DIP2A: variants seen among roughly 807,000 people sequenced by gnomAD.
The protein encoded by DIP2A is DIP2 acetate--CoA ligase A, also known as disco-interacting protein 2 homolog A.
Under a neutral mutation model 177.4 loss-of-function variants are expected in DIP2A, and 85 were observed. The observed-to-expected ratio is 0.48, with a 90% CI of 0.40 to 0.57. The LOEUF is 0.57. Among genes scored for constraint, DIP2A ranks in the 20% least tolerant of loss-of-function variants. The probability of loss-of-function intolerance (pLI) is 0.00; values close to 1 mark genes in which losing one functional copy is unlikely to be tolerated. For synonymous variants in DIP2A, 886 were observed against 881.8 expected (o/e 1.00, Z -0.08); for missense variants, 1,791 against 2,100.2 (o/e 0.85, Z 2.88).
Position 46,550,651 on chromosome 21 carries a change from C to T in DIP2A, c.2746C>T (p.Arg916Cys), listed in dbSNP as rs368888478. 76 of 1,613,862 alleles carry T rather than the reference C, an allele frequency of 4.7e-5. No homozygotes were observed. The highest frequency in any genetic ancestry group is 1.6e-4 in the Middle Eastern group (1 of 6,084). The change falls in exon 23 of 38, where the codon CGC becomes TGC. Residue 916 changes from arginine to cysteine, a missense_variant. Arg to Cys is a radical substitution (Grantham distance 180). Coordinates refer to ENST00000417564, the MANE Select transcript of DIP2A (RefSeq NM_015151.4). ...GGIHISETKQRFLEGTLHPCN... is the reference protein window; with the variant it reads ...GGIHISETKQCFLEGTLHPCN... ...GATTCACATTTCTGAAACCAAACAGCGCTTTCTGGAAGGGACGCTGCACCC... is the reference window on the plus strand; with the variant it reads ...GATTCACATTTCTGAAACCAAACAGTGCTTTCTGGAAGGGACGCTGCACCC...
chr21:46,466,836 G>C (rs1456692815), intron 1 of DIP2A, among the ~76,000 whole-genome samples: 1 of 152,148 alleles, frequency 6.6e-6, no homozygotes, highest in African/African-American at 2.4e-5. Flanking sequence ...GGATACAGGA[G>C]CAGGTATGAG....
rs1601587215 is a variant in DIP2A at position 46,509,500 on chromosome 21, T to C, written c.904+124T>C. On this transcript the variant is annotated intron_variant, in intron 7 of 37. Transcript: ENST00000417564. ...ATATATATTCTGTTTCCAGACTCAG[T>C]GGTCACTGGGTGTAATGGTGAATTT... 3.3e-6 allele frequency: 4 copies of C among 1,221,434 alleles called. No homozygotes were observed. In the East Asian group the frequency reaches 1.1e-4, roughly 35 times the overall value. 75.7% of individuals were successfully genotyped at this position (1,221,434 alleles called of 1,614,324 possible). A position where few individuals can be genotyped will look rare whatever the true frequency, so the allele number is the denominator to read the frequency against.
At position 46,563,942 on chromosome 21, in the gene DIP2A, G is replaced by A. The variant is rs2060754003; in HGVS notation, c.4164+10G>A. 6.2e-7 allele frequency: 1 copy of A among 1,611,628 alleles called. No individual in the cohort carries two copies. The highest frequency in any genetic ancestry group is 8.5e-7 in the Non-Finnish European group (1 of 1,179,402). ...CTCACACCTGGGAGAGGTGAGCAGG[G>A]GCCCATGGGAGGGGCTTGAGCTCTC... On this transcript the variant is annotated intron_variant, in intron 35 of 37. Coordinates refer to ENST00000417564, the MANE Select transcript of DIP2A (RefSeq NM_015151.4). This position sits in a 1 kb window ranked among gnomAD's most constrained non-coding sequence, Gnocchi z 4.3.
At chr21:46,494,120 C>T (rs2057173706) in intron 3 of DIP2A, among the ~76,000 whole-genome samples, 1 of 152,190 alleles carries the variant, frequency 6.6e-6, no homozygotes, top group Non-Finnish European at 1.5e-5. Context: ...ATAAATACTT[C>T]CTTAATAGCA....
chr21:46,484,284 T>C (rs1243203958), intron 1 of DIP2A, among the ~76,000 whole-genome samples: 1 of 152,238 alleles, frequency 6.6e-6, no homozygotes, highest in Non-Finnish European at 1.5e-5. Flanking sequence ...AAGTGTTATT[T>C]ACACACAGTA....
chr21:46,479,548 T>C (rs1383708533), intron 1 of DIP2A, among the ~76,000 whole-genome samples: 1 of 152,176 alleles, frequency 6.6e-6, no homozygotes, highest in Non-Finnish European at 1.5e-5. Context: ...TATTTTTTTT[T>C]AAGGTCTCAT....
intron 5 of DIP2A, among the ~76,000 whole-genome samples, chr21:46,500,689 A>C (rs933466874): frequency 6.6e-6 from 1 of 152,282 alleles, no homozygotes; most frequent in African/African-American, 2.4e-5. Context: ...CTTATTCAGC[A>C]TGAAAAATTA....
At chr21:46,543,415 G>A (rs1451274130) in intron 18 of DIP2A, among the ~76,000 whole-genome samples, 3 of 152,000 alleles carry the variant, frequency 2.0e-5, no homozygotes, top group Non-Finnish European at 2.9e-5. Flanking sequence ...TCCCGTAGGC[G>A]TGCACGCAGC....
intron 1 of DIP2A, chr21:46,469,328 T>C (rs2055148681): frequency 6.6e-6 from 1 of 152,250 alleles, no homozygotes; most frequent in South Asian, 2.1e-4. Flanking sequence ...TACAGCAGTT[T>C]TTCTAATTCA....
Position 46,550,414 on chromosome 21 carries a change from A to T in DIP2A, c.2638-129A>T, listed in dbSNP as rs1601807456. Reference sequence around the variant, plus strand: ...TTCATCTTGTTTCCTCATTTAACAAAGTGTCCAGAGGGCATTCCATTTCCT... The same window carrying T: ...TTCATCTTGTTTCCTCATTTAACAATGTGTCCAGAGGGCATTCCATTTCCT... On this transcript the variant is annotated intron_variant, in intron 22 of 37. Transcript: ENST00000417564. 8 of 825,368 alleles carry T rather than the reference A, an allele frequency of 9.7e-6. No individual in the cohort carries two copies. In the East Asian group the frequency reaches 2.1e-4, roughly 22 times the overall value. The allele number at this position is 825,368 out of a possible 1,614,324, so 51.1% of individuals were successfully genotyped here.
chr21:46,506,743 T>C (rs200087007), intron 6 of DIP2A, among the ~76,000 whole-genome samples: 1 of 84,206 alleles, frequency 1.2e-5, no homozygotes, highest in Non-Finnish European at 2.9e-5. Flanking sequence ...TTTCTTTCTT[T>C]CTTTCTTTCT....
intron 10 of DIP2A, among the ~76,000 whole-genome samples, chr21:46,532,816 A>G (rs2059408863): frequency 6.6e-6 from 1 of 152,198 alleles, no homozygotes; most frequent in African/African-American, 2.4e-5. Flanking sequence ...TATAACTATC[A>G]ATAATATGAT....
chr21:46,505,583 T>C (rs962876746), intron 6 of DIP2A, among the ~76,000 whole-genome samples: 1 of 152,188 alleles, frequency 6.6e-6, no homozygotes, highest in Non-Finnish European at 1.5e-5. Flanking sequence ...CACTCCAGCC[T>C]GGGCGATAGA....
rs1395053382 is a variant in DIP2A, at chr21:46,569,412, T to C, written c.*1790T>C. 2.0e-5 allele frequency: 3 copies of C among 152,112 alleles called. No homozygotes were observed. The highest frequency in any genetic ancestry group is 2.9e-5 in the Non-Finnish European group (2 of 68,020). The allele number at this position is 152,112 out of a possible 1,614,324, so 9.4% of individuals were successfully genotyped here. A position where few individuals can be genotyped will look rare whatever the true frequency, so the allele number is the denominator to read the frequency against. Reference sequence around the variant, plus strand: ...GTATGTACAGAATCTATGTAACTTATTGTTGACATACAGAGGTTTGGGAAG... The same window carrying C: ...GTATGTACAGAATCTATGTAACTTACTGTTGACATACAGAGGTTTGGGAAG... On this transcript the variant is annotated 3_prime_UTR_variant, in exon 38 of 38. Transcript: ENST00000417564.
chr21:46,464,844 T>TTTTTTTTTTTTTTA (rs58546395), intron 1 of DIP2A, among the ~76,000 whole-genome samples: 10 of 111,228 alleles, frequency 9.0e-5, no homozygotes, highest in Non-Finnish European at 1.4e-4. Context: ...TTTTTTTTTT[T>TTTTTTTTTTTTTTA]CAAGAAAACA....
At chr21:46,547,959 T>C (rs927468049) in intron 21 of DIP2A, among the ~76,000 whole-genome samples, 7 of 152,150 alleles carry the variant, frequency 4.6e-5, no homozygotes, top group Non-Finnish European at 2.9e-5. Flanking sequence ...TGTCAGCCAA[T>C]GTGCCTGGCC....
intron 13 of DIP2A, among the ~76,000 whole-genome samples, chr21:46,536,797 G>A (rs543151864): frequency 1.5e-4 from 23 of 151,972 alleles, no homozygotes; most frequent in Non-Finnish European, 2.1e-4. Flanking sequence ...CCAGCTACTC[G>A]GGAGGCTCAG....
chr21:46,550,166 G>A lies in DIP2A; in HGVS notation c.2637+281G>A. 2 of 848,896 alleles carry A rather than the reference G, an allele frequency of 2.4e-6. 1 individual carries two copies. Among genetic ancestry groups the A allele is most frequent in the South Asian group, 4.3e-5 (2 of 46,880 alleles). The allele number at this position is 848,896 out of a possible 1,614,324, so 52.6% of individuals were successfully genotyped here. ...AACATTTGAAATGCACTCTCACAGT[G>A]ATTTTGAAATGTACATTATTATATT... On this transcript the variant is annotated intron_variant, in intron 22 of 37. Transcript: ENST00000417564.
At chr21:46,461,383 T>C (rs566318505) in intron 1 of DIP2A, among the ~76,000 whole-genome samples, 5 of 151,010 alleles carry the variant, frequency 3.3e-5, no homozygotes, top group Non-Finnish European at 4.4e-5. Context: ...TTTGACAGGA[T>C]CTACTGTACT....
Sources: allele counts gnomAD v4.1 joint callset (sites outside exome capture counted in the v4.1 genomes callset), GRCh38; gene constraint gnomAD v4.1.1; non-coding constraint Gnocchi (gnomAD v3.1); transcripts MANE v1.5; gene names NCBI Gene and HGNC (gene_info 2026-07-23, HGNC 2026-07-21).